MAP3K21: variants seen among roughly 807,000 people sequenced by gnomAD.
MAP3K21 encodes the protein mitogen-activated protein kinase kinase kinase 21.
MAP3K21 carries 63 observed loss-of-function variants against 86.1 expected under a neutral mutation model. That is an observed-to-expected ratio of 0.73 (90% CI 0.60 to 0.90). The LOEUF is 0.90. MAP3K21 is among the 40% of genes least tolerant of loss of function. MAP3K21 has a pLI of 0.00. For synonymous variants in MAP3K21, 558 were observed against 564.8 expected (o/e 0.99, Z 0.17); for missense variants, 1,220 against 1,367.7 (o/e 0.89, Z 1.70).
chr1:233,329,389 C>G (rs1275989197), intron 1 of MAP3K21, among the ~76,000 whole-genome samples: 1 of 152,228 alleles, frequency 6.6e-6, no homozygotes, highest in Non-Finnish European at 1.5e-5. Context: ...CGCGGTGGCT[C>G]ATACCTGTAA....
chr1:233,363,891 G>A (rs1368134095), intron 5 of MAP3K21, among the ~76,000 whole-genome samples: 3 of 151,328 alleles, frequency 2.0e-5, no homozygotes, highest in Admixed American at 6.6e-5. Flanking sequence ...GCGGGTGCCT[G>A]TAATCCCAGC....
intron 5 of MAP3K21, among the ~76,000 whole-genome samples, chr1:233,369,775 C>T (rs1663648934): frequency 6.6e-6 from 1 of 152,210 alleles, no homozygotes; most frequent in Non-Finnish European, 1.5e-5. Context: ...TCAGCAGAGT[C>T]AGGCAGTTGT....
chr1:233,376,070 C>G lies in MAP3K21; in HGVS notation c.1826+4C>G. ...ATAGAACAGATTGCAAAGAAAGGTA[C>G]GTGTGTGGTATCTGGTGGTATTCAT... On this transcript the variant is annotated splice_donor_region_variant and intron_variant, in intron 7 of 9. Coordinates refer to ENST00000366624, the MANE Select transcript of MAP3K21 (RefSeq NM_032435.3). 6.3e-7 allele frequency: 1 copy of G among 1,598,280 alleles called. No homozygotes were observed. The highest frequency in any genetic ancestry group is 8.5e-7 in the Non-Finnish European group (1 of 1,175,808).
At position 233,362,097 on chromosome 1, in the gene MAP3K21, G is replaced by T; in HGVS notation, c.1356G>T (p.Gln452His). The T allele has an allele frequency of 6.2e-7, 1 of 1,613,494 alleles. No individual in the cohort carries two copies. Among genetic ancestry groups the T allele is most frequent in the East Asian group, 2.2e-5 (1 of 44,860 alleles). Residue 452 changes from glutamine (Q) to histidine (H), a missense_variant, in exon 5 of 10, where the codon CAG becomes CAT. Coordinates refer to ENST00000366624, the MANE Select transcript of MAP3K21 (RefSeq NM_032435.3). ...REEELTRAAL[Q>H]QKSQEELLKR... is the part of the protein sequence containing the mutation. Reference sequence around the variant, plus strand: ...AGGAGCTGACTCGGGCGGCTCTGCAGCAGAAGTCTCAGGAGGAGCTGCTAA... The same window carrying T: ...AGGAGCTGACTCGGGCGGCTCTGCATCAGAAGTCTCAGGAGGAGCTGCTAA...
At chr1:233,333,247 C>G (rs775835745) in intron 1 of MAP3K21, among the ~76,000 whole-genome samples, 65 of 152,296 alleles carry the variant, frequency 4.3e-4, no homozygotes, top group Admixed American at 2.7e-3. Flanking sequence ...CTCTTCTGTT[C>G]TTATACTCAG....
intron 5 of MAP3K21, among the ~76,000 whole-genome samples, chr1:233,369,796 G>A (rs531298482): frequency 1.3e-5 from 2 of 152,238 alleles, no homozygotes; most frequent in Non-Finnish European, 2.9e-5. Context: ...TACAGAGACT[G>A]TGTGGCTCAC....
chr1:233,374,474 T>G (rs12046622), intron 6 of MAP3K21, among the ~76,000 whole-genome samples: 33,567 of 152,010 alleles, frequency 0.22, 3,859 homozygotes, highest in South Asian at 0.3. Context: ...GCACCCGGCC[T>G]AAGCACATTT....
chr1:233,351,471 T>C (rs948735946), intron 2 of MAP3K21, among the ~76,000 whole-genome samples: 4 of 152,078 alleles, frequency 2.6e-5, no homozygotes, highest in African/African-American at 9.7e-5. Flanking sequence ...GGTAGGTGGA[T>C]CACAAGGTCA....
At position 233,327,957 on chromosome 1, in the gene MAP3K21, C is replaced by T; in HGVS notation, c.-72C>T. ...CGGCGCCGACGGCCACACCGCCGGACGATGCGCGCCCGCGGCCGCCCGGGA... is the reference window on the plus strand; with the variant it reads ...CGGCGCCGACGGCCACACCGCCGGATGATGCGCGCCCGCGGCCGCCCGGGA... On this transcript the variant is annotated 5_prime_UTR_variant, in exon 1 of 10. It adds an upstream start codon to the 5' untranslated region. Transcript: ENST00000366624. 4 of 1,188,192 alleles carry T rather than the reference C, an allele frequency of 3.4e-6. No homozygotes were observed. Among genetic ancestry groups the T allele is most frequent in the Non-Finnish European group, 4.2e-6 (4 of 950,326 alleles). The allele number at this position is 1,188,192 out of a possible 1,614,324, so 73.6% of individuals were successfully genotyped here.
Position 233,379,589 on chromosome 1 carries a change from A to G in MAP3K21, c.2583A>G (p.Val861=), listed in dbSNP as rs201010693. ...CAAGACTTGACACTGATTGTAGTGT[A>G]TCAAGAAACTTGCCGTCTTCCTTCC... is the stretch of plus-strand genomic sequence containing the variant. ...LMPRLDTDCS[V]SRNLPSSFLQ... The change falls in exon 9 of 10, where the codon GTA becomes GTG. Residue 861 remains valine (V), a synonymous_variant. Coordinates refer to ENST00000366624, the MANE Select transcript of MAP3K21 (RefSeq NM_032435.3). The G allele has an allele frequency of 2.5e-6, 4 of 1,614,196 alleles. No homozygotes were observed. The highest frequency in any genetic ancestry group is 2.5e-6 in the Non-Finnish European group (3 of 1,180,024).
At chr1:233,341,008 T>C (rs528355753) in intron 1 of MAP3K21, among the ~76,000 whole-genome samples, 2 of 152,314 alleles carry the variant, frequency 1.3e-5, no homozygotes, top group Non-Finnish European at 2.9e-5. Context: ...TCAAAGGAGC[T>C]GAAAAAATTC....
chr1:233,335,583 A>G (rs965276539), intron 1 of MAP3K21, among the ~76,000 whole-genome samples: 57 of 152,116 alleles, frequency 3.7e-4, no homozygotes, highest in African/African-American at 1.3e-3. Context: ...AAGTCATTCA[A>G]CCCATCAGAG....
chr1:233,346,406 G>T (rs755225713), intron 1 of MAP3K21, 36 bp from the exon 2 acceptor site: 1 of 1,519,964 alleles, frequency 6.6e-7, no homozygotes, highest in Non-Finnish European at 9.0e-7. Context: ...AAAATTAAAA[G>T]AATATGCAAA....
intron 4 of MAP3K21, among the ~76,000 whole-genome samples, chr1:233,361,282 A>G (rs1253102230): frequency 2.0e-5 from 3 of 152,242 alleles, no homozygotes; most frequent in Admixed American, 1.3e-4. Flanking sequence ...ACCAAAACCA[A>G]GATGAGGTCT....
chr1:233,355,091 CATT>C (rs2102754632), intron 4 of MAP3K21, 80 bp downstream of exon 4: 2 of 1,023,336 alleles, frequency 2.0e-6, no homozygotes, highest in African/African-American at 3.3e-5. Flanking sequence ...GCACTGTTAG[CATT>C]ATTCAAAAAT....
At chr1:233,363,291 T>C (rs1663500651) in intron 5 of MAP3K21, among the ~76,000 whole-genome samples, 1 of 152,228 alleles carries the variant, frequency 6.6e-6, no homozygotes, top group African/African-American at 2.4e-5. Flanking sequence ...TTTTGTTTTA[T>C]GTCGAGTGTG....
chr1:233,360,331 A>G (rs1015054309), intron 4 of MAP3K21, among the ~76,000 whole-genome samples: 144 of 152,252 alleles, frequency 9.5e-4, no homozygotes, highest in African/African-American at 3.1e-3. Context: ...CTTTTTTTCA[A>G]GTAGTAAATA....
intron 6 of MAP3K21, 191 bp downstream of exon 6, chr1:233,372,351 A>G (rs766949435): frequency 3.7e-5 from 23 of 616,642 alleles, no homozygotes; most frequent in Non-Finnish European, 5.7e-5. Context: ...TCTACTCACA[A>G]AAAATGAATT....
At chr1:233,356,152 T>A (rs1663348626) in intron 4 of MAP3K21, among the ~76,000 whole-genome samples, 1 of 152,190 alleles carries the variant, frequency 6.6e-6, no homozygotes, top group Non-Finnish European at 1.5e-5. Context: ...CAGTCCCTGA[T>A]AGCTCCCTCC....
Sources: allele counts gnomAD v4.1 joint callset (sites outside exome capture counted in the v4.1 genomes callset), GRCh38; gene constraint gnomAD v4.1.1; transcripts MANE v1.5; gene names NCBI Gene and HGNC (gene_info 2026-07-23, HGNC 2026-07-21).